Variants in LRRC43 observed in about 807,000 individuals in gnomAD.
LRRC43 encodes the protein leucine rich repeat containing 43, also known as leucine-rich repeat-containing protein 43.
In LRRC43, 62 loss-of-function variants were observed where a neutral mutation model predicts 64.3. The observed-to-expected ratio is 0.96, with a 90% CI of 0.79 to 1.19. The LOEUF is 1.19. Among genes scored for constraint, LRRC43 ranks in the 50% most tolerant of loss-of-function variants. LRRC43 has a pLI of 0.00. For synonymous variants in LRRC43, 422 were observed against 382.3 expected, an observed-to-expected ratio of 1.10 and a Z score of -1.21; for missense variants, 868 against 845.0, an observed-to-expected ratio of 1.03 and a Z score of -0.34.
At chr12:122,173,056 GC>G (rs1953503366) in intron 1 of LRRC43, among the ~76,000 whole-genome samples, 1 of 152,104 alleles carries the variant, frequency 6.6e-6, no homozygotes, top group South Asian at 2.1e-4. Flanking sequence ...GCAGCTCCCC[GC>G]CCTTTGGGAC....
In LRRC43 at chr12:122,184,833, G is replaced by A. The variant is rs1443698758; in HGVS notation, c.411+54G>A. On this transcript the variant is annotated intron_variant, in intron 2 of 11. Transcript: ENST00000339777. The surrounding 1 kb of genome is among the most constrained non-coding windows in gnomAD (Gnocchi z 4.0). ...TTAGGGTGGCCGCTCCCCTAAGGGA[G>A]GTTGTGGGGAGGGCACCCTTCCCCA... 1.3e-6 allele frequency: 2 copies of A among 1,546,484 alleles called. No homozygotes were observed. The highest frequency in any genetic ancestry group is 2.4e-5 in the East Asian group (1 of 41,176).
chr12:122,174,267 A>G, intron 1 of LRRC43: 1 of 1,432,510 alleles, frequency 7.0e-7, no homozygotes, highest in Non-Finnish European at 9.8e-7. Flanking sequence ...CAGGGTGAGG[A>G]GAAAGAGCAG....
At chr12:122,195,768 T>C (rs7315448) in intron 7 of LRRC43, among the ~76,000 whole-genome samples, 7,573 of 152,290 alleles carry the variant, frequency 0.05, 588 homozygotes, top group African/African-American at 0.17. Flanking sequence ...CTTCAATATA[T>C]AGATGAACGT....
intron 1 of LRRC43, chr12:122,172,676 G>A (rs776088239): frequency 6.2e-7 from 1 of 1,614,090 alleles, no homozygotes; most frequent in Non-Finnish European, 8.5e-7. Context: ...TTGGCGGCTG[G>A]GCGTCAGGGC....
chr12:122,193,381 T>TAAAAAAAAAAAA (rs34910328), intron 7 of LRRC43, among the ~76,000 whole-genome samples: 1 of 47,162 alleles, frequency 2.1e-5, no homozygotes, highest in Non-Finnish European at 3.7e-5. Context: ...CTCCGTCTCA[T>TAAAAAAAAAAAA]AAAAAAAAAA....
chr12:122,191,436 C>T lies in LRRC43; in HGVS notation c.958C>T (p.Leu320=). 1 of 1,614,076 alleles carries T rather than the reference C, an allele frequency of 6.2e-7. No individual in the cohort carries two copies. The highest frequency in any genetic ancestry group is 1.1e-5 in the South Asian group (1 of 91,076). ...VVTIGNIRGV[L]DTSVLDPEPR... is the part of the protein sequence containing the mutation. ...GACCATCGGAAACATCAGAGGAGTC[C>T]TGGACACCTCTGTCTTAGACCCGGA... Residue 320 remains leucine (L), a synonymous_variant, in exon 6 of 12, where the codon CTG becomes TTG. Transcript: ENST00000339777.
At position 122,192,909 on chromosome 12, in the gene LRRC43, G is replaced by A. The variant is rs751403273; in HGVS notation, c.1254G>A (p.Ser418=). 5 of 1,614,124 alleles carry A rather than the reference G, an allele frequency of 3.1e-6. No homozygotes were observed. The highest frequency in any genetic ancestry group is 1.3e-5 in the African/African-American group (1 of 75,026). Residue 418 remains serine, a synonymous_variant, in exon 7 of 12, where the codon TCG becomes TCA. Coordinates refer to ENST00000339777, the MANE Select transcript of LRRC43 (RefSeq NM_001098519.2). The part of the protein sequence containing the change: ...ESGESELSVI[S]GPSTILQMPR... ...GAGAGTCGGAGCTGTCTGTCATCTC[G>A]GGGCCTTCGACCATCTTGCAGATGC... is the stretch of plus-strand genomic sequence containing the variant.
chr12:122,193,319 T>C (rs1953741377), intron 7 of LRRC43, among the ~76,000 whole-genome samples: 1 of 142,588 alleles, frequency 7.0e-6, no homozygotes. Flanking sequence ...AGGCGGGGCT[T>C]GCAGTGAGCC....
At chr12:122,196,394 C>T (rs1953772992) in intron 7 of LRRC43, among the ~76,000 whole-genome samples, 1 of 152,154 alleles carries the variant, frequency 6.6e-6, no homozygotes, top group Admixed American at 6.6e-5. Flanking sequence ...TAGCAAACGC[C>T]AGTCATCCAC....
intron 4 of LRRC43, chr12:122,189,541 T>C (rs1442778481): frequency 2.2e-6 from 1 of 455,638 alleles, no homozygotes; most frequent in African/African-American, 2.0e-5. Context: ...GCCCCTGCCC[T>C]GTGTCTTGGT....
chr12:122,193,972 C>A (rs1236038703), intron 7 of LRRC43, among the ~76,000 whole-genome samples: 1 of 152,202 alleles, frequency 6.6e-6, no homozygotes, highest in Non-Finnish European at 1.5e-5. Context: ...GATGTATTCT[C>A]ACACATAAAG....
chr12:122,189,019 A>G (rs768900317), intron 4 of LRRC43, among the ~76,000 whole-genome samples: 14 of 152,096 alleles, frequency 9.2e-5, no homozygotes, highest in Non-Finnish European at 2.1e-4. Context: ...CTCCATCGCT[A>G]TTGAAGGTTC....
Position 122,187,715 on chromosome 12 carries a change from C to G in LRRC43, c.537C>G (p.Tyr179Ter). ...LPPTLKVLELYGNEISSMECL... is the reference protein window; with the variant it reads ...LPPTLKVLEL ...TGGTCTCCCAGGTGCTGGAGCTCTACGGCAATGAGATCAGCAGCATGGAGT... is the reference window on the plus strand; with the variant it reads ...TGGTCTCCCAGGTGCTGGAGCTCTAGGGCAATGAGATCAGCAGCATGGAGT... The change falls in exon 4 of 12, where the codon TAC (tyrosine) becomes TAG (stop). Residue 179 changes from tyrosine (Y) to a stop codon, truncating the protein, a stop_gained. Transcript: ENST00000339777. LOFTEE classifies it high-confidence loss of function. The G allele has an allele frequency of 6.2e-7, 1 of 1,613,668 alleles. No individual in the cohort carries two copies. The highest frequency in any genetic ancestry group is 8.5e-7 in the Non-Finnish European group (1 of 1,180,016).
chr12:122,182,645 A>C, upstream of LRRC43, among the ~76,000 whole-genome samples: 1 of 151,936 alleles, frequency 6.6e-6, no homozygotes, highest in African/African-American at 2.4e-5. Context: ...GTGAGCTGAG[A>C]TCTCGCCACT....
intron 1 of LRRC43, chr12:122,173,718 T>A: frequency 1.2e-6 from 1 of 802,340 alleles, no homozygotes; most frequent in South Asian, 1.7e-5. Flanking sequence ...GCCTGTCTAG[T>A]TTCCCCCATC....
At chr12:122,181,412 G>A (rs1236848125), upstream of LRRC43, among the ~76,000 whole-genome samples, 3 of 150,796 alleles carry the variant, frequency 2.0e-5, no homozygotes, top group Non-Finnish European at 4.4e-5. Flanking sequence ...GCTTGGTGGC[G>A]GGCGCCTGTA....
intron 1 of LRRC43, chr12:122,174,286 C>T: frequency 8.2e-7 from 1 of 1,219,492 alleles, no homozygotes; most frequent in Non-Finnish European, 1.2e-6. Context: ...AGTCAGCGTC[C>T]CGCCCATGGC....
chr12:122,180,676 T>C (rs1953574128), upstream of LRRC43, among the ~76,000 whole-genome samples: 1 of 152,198 alleles, frequency 6.6e-6, no homozygotes, highest in Non-Finnish European at 1.5e-5. Flanking sequence ...TTGGGCTCTG[T>C]GGTCTGCCCA....
intron 2 of LRRC43, 101 bp from the exon 3 acceptor site, chr12:122,186,087 GTA>G: frequency 1.5e-6 from 1 of 687,138 alleles, no homozygotes; most frequent in Non-Finnish European, 2.6e-6. Flanking sequence ...GGGAGGGGAA[GTA>G]ACTCTGATGG....
Sources: allele counts gnomAD v4.1 joint callset (sites outside exome capture counted in the v4.1 genomes callset), GRCh38; gene constraint gnomAD v4.1.1; non-coding constraint Gnocchi (gnomAD v3.1); transcripts MANE v1.5; gene names NCBI Gene and HGNC (gene_info 2026-07-23, HGNC 2026-07-21).